The following ZNF385D variants were observed in gnomAD, a reference collection of about 807,000 sequenced individuals.
ZNF385D encodes the protein zinc finger protein 659.
A neutral mutation model predicts 35.8 loss-of-function variants in ZNF385D; 15 were observed. That is an observed-to-expected ratio of 0.42 (90% CI 0.28 to 0.64). The LOEUF (loss-of-function observed/expected upper bound fraction) is 0.64. Ranked by LOEUF, ZNF385D falls within the 30% of genes least tolerant of loss-of-function variation. ZNF385D has a pLI of 0.23. For synonymous variants in ZNF385D, 212 were observed against 186.8 expected (o/e 1.13, Z -1.10); for missense variants, 474 against 494.6 (o/e 0.96, Z 0.39).
At chr3:21,772,535 A>G (rs1482861146) in intron 3 of ZNF385D, among the ~76,000 whole-genome samples, 1 of 151,968 alleles carries the variant, frequency 6.6e-6, no homozygotes, top group African/African-American at 2.4e-5. Flanking sequence ...TTTCACATGC[A>G]TTACAGTGGG....
intron 3 of ZNF385D, among the ~76,000 whole-genome samples, chr3:21,974,430 G>C (rs1185938197): frequency 6.6e-6 from 1 of 151,960 alleles, no homozygotes; most frequent in African/African-American, 2.4e-5. Context: ...ATACCAAAAT[G>C]GATTAAACAC....
In ZNF385D at chr3:21,988,007, T is replaced by C. The variant is rs2125387495; in HGVS notation, c.325+180810A>G. On this transcript the variant is annotated intron_variant, in intron 3 of 5. Coordinates refer to the ZNF385D transcript ENST00000494108. ...TCTTCACGTAGTTCTCGAGCCTTGG[T>C]TTTCAGCTCCATCAGCTCCTTTAAG... 1.4e-5 allele frequency among the ~76,000 whole-genome samples: 2 copies of C among 146,054 alleles called. 1 individual carries two copies. The highest frequency in any genetic ancestry group is 1.3e-4 in the Admixed American group (2 of 14,876).
chr3:22,337,498 C>T (rs1162984672), intron 2 of ZNF385D, among the ~76,000 whole-genome samples: 1 of 152,086 alleles, frequency 6.6e-6, no homozygotes, highest in Non-Finnish European at 1.5e-5. Context: ...TGCGCCACTG[C>T]ACTCCAGCCT....
chr3:21,564,159 C>A (rs531790701), intron 3 of ZNF385D, among the ~76,000 whole-genome samples: 1 of 151,868 alleles, frequency 6.6e-6, no homozygotes, highest in East Asian at 1.9e-4. Flanking sequence ...GGCCTCCATT[C>A]CAGGCAAAAA....
At chr3:21,535,511 GT>G (rs1244412254) in intron 3 of ZNF385D, among the ~76,000 whole-genome samples, 6 of 152,082 alleles carry the variant, frequency 3.9e-5, no homozygotes, top group Non-Finnish European at 7.3e-5. Flanking sequence ...ATCTGCTCCT[GT>G]TTTGTTAGGC....
intron 4 of ZNF385D, among the ~76,000 whole-genome samples, chr3:21,470,277 A>G (rs1225363393): frequency 6.6e-6 from 1 of 152,138 alleles, no homozygotes; most frequent in East Asian, 1.9e-4. Flanking sequence ...AATGGAGTGG[A>G]TCCTAAGCAG....
chr3:21,636,089 G>C (rs1012798037), intron 2 of ZNF385D, among the ~76,000 whole-genome samples: 5 of 151,924 alleles, frequency 3.3e-5, no homozygotes, highest in Admixed American at 6.6e-5. Context: ...ATGGATTGCT[G>C]AATCAAATAG....
chr3:21,899,057 A>C (rs1699275844), intron 3 of ZNF385D, among the ~76,000 whole-genome samples: 1 of 152,118 alleles, frequency 6.6e-6, no homozygotes, highest in Non-Finnish European at 1.5e-5. Flanking sequence ...TCCCATCAGG[A>C]GAACGGGATG....
chr3:21,694,525 TG>T lies in ZNF385D; in HGVS notation c.23-29498del, dbSNP rs550643712. Among the ~76,000 whole-genome samples, 11 of 152,290 alleles carry T rather than the reference TG, an allele frequency of 7.2e-5. No homozygotes were observed. In the East Asian group the frequency reaches 2.1e-3, roughly 29 times the overall value. Reference sequence around the variant, plus strand: ...AACAGTAACTGGTCACAGCCAGATCTGGGTACTCAGGGAAGATTCTTGGATC... The same window carrying T: ...AACAGTAACTGGTCACAGCCAGATCTGGTACTCAGGGAAGATTCTTGGATC... On this transcript the variant is annotated intron_variant, in intron 1 of 7. Transcript: ENST00000281523.
intron 2 of ZNF385D, among the ~76,000 whole-genome samples, chr3:22,302,967 T>C (rs1702988025): frequency 6.6e-6 from 1 of 152,180 alleles, no homozygotes. Flanking sequence ...CATAGAAACG[T>C]GTAAAATTTT....
chr3:21,709,650 T>C (rs1413679756), intron 1 of ZNF385D, among the ~76,000 whole-genome samples: 2 of 152,104 alleles, frequency 1.3e-5, no homozygotes, highest in Non-Finnish European at 2.9e-5. Context: ...AAACATCACA[T>C]ACTAGTTTTA....
At chr3:22,283,154 C>T (rs1324810533) in intron 2 of ZNF385D, among the ~76,000 whole-genome samples, 2 of 152,046 alleles carry the variant, frequency 1.3e-5, no homozygotes, top group Admixed American at 6.6e-5. Flanking sequence ...AATATATATG[C>T]ACATAACACT....
chr3:21,751,190 C>T lies in ZNF385D; in HGVS notation c.-274G>A. The T allele has an allele frequency of 2.2e-6, 3 of 1,372,886 alleles. No homozygotes were observed. The highest frequency in any genetic ancestry group is 2.8e-6 in the Non-Finnish European group (3 of 1,061,244). 85.0% of individuals were successfully genotyped at this position (1,372,886 alleles called of 1,614,324 possible). ...CGACTCCTCCTTGCGATGTCCTTGC[C>T]GCGCCTGTGACATCAGGACTGAGAG... On this transcript the variant is annotated 5_prime_UTR_variant, in exon 1 of 8. Coordinates refer to ENST00000281523, the MANE Select transcript of ZNF385D (RefSeq NM_024697.3).
At chr3:21,429,164 C>T (rs998013050) in intron 5 of ZNF385D, among the ~76,000 whole-genome samples, 2 of 151,286 alleles carry the variant, frequency 1.3e-5, no homozygotes, top group Admixed American at 6.6e-5. Context: ...ATAAATCATA[C>T]ATTAGAAATA....
intron 1 of ZNF385D, among the ~76,000 whole-genome samples, chr3:21,692,640 T>A (rs1194774287): frequency 6.6e-6 from 1 of 152,236 alleles, no homozygotes; most frequent in Non-Finnish European, 1.5e-5. Flanking sequence ...CTTGCTGCAC[T>A]CTACGCAGAA....
At chr3:21,963,984 T>A (rs1702739560) in intron 3 of ZNF385D, among the ~76,000 whole-genome samples, 1 of 152,160 alleles carries the variant, frequency 6.6e-6, no homozygotes, top group Admixed American at 6.5e-5. Flanking sequence ...ATGAAGACAT[T>A]AGTACAAAAG....
intron 3 of ZNF385D, among the ~76,000 whole-genome samples, chr3:22,071,001 T>C (rs1700201130): frequency 1.3e-5 from 2 of 152,134 alleles, no homozygotes; most frequent in Non-Finnish European, 2.9e-5. Context: ...TTGAAAGATT[T>C]TTACCTGTTC....
At chr3:22,246,626 T>C (rs547342492) in intron 2 of ZNF385D, among the ~76,000 whole-genome samples, 1 of 152,204 alleles carries the variant, frequency 6.6e-6, no homozygotes, top group African/African-American at 2.4e-5. Context: ...TGGCTTGACA[T>C]GTACACTAAA....
intron 3 of ZNF385D, among the ~76,000 whole-genome samples, chr3:22,089,813 C>T (rs2695639): frequency 0.82 from 124,923 of 152,104 alleles, 52,194 homozygotes; most frequent in African/African-American, 0.89. Flanking sequence ...ATGACTTCAA[C>T]CCCATATTTT....
Sources: allele counts gnomAD v4.1 joint callset (sites outside exome capture counted in the v4.1 genomes callset), GRCh38; gene constraint gnomAD v4.1.1; transcripts MANE v1.5; gene names NCBI Gene and HGNC (gene_info 2026-07-23, HGNC 2026-07-21).